CASZ1: variants seen among roughly 807,000 people sequenced by gnomAD.
CASZ1 encodes the protein zinc finger protein castor homolog 1.
Under a neutral mutation model 135.2 loss-of-function variants are expected in CASZ1, and 28 were observed. The ratio of observed to expected loss-of-function variants is 0.21; its 90% CI spans 0.15 to 0.28. The LOEUF (loss-of-function observed/expected upper bound fraction) is 0.28, where lower values mean the gene tolerates loss of function less well. Ranked by LOEUF, CASZ1 falls within the 10% of genes least tolerant of loss-of-function variation. CASZ1 has a pLI of 1.00. For missense variants in CASZ1, 2,161 were observed against 2,453.3 expected, an observed-to-expected ratio of 0.88 and a Z score of 2.52; for synonymous variants, 1,068 against 1,073.4, an observed-to-expected ratio of 0.99 and a Z score of 0.10.
intron 7 of CASZ1, 49 bp from the exon 8 acceptor site, chr1:10,656,785 C>G: frequency 9.7e-7 from 1 of 1,031,198 alleles, no homozygotes; most frequent in Non-Finnish European, 1.5e-6. Context: ...GTGACAGTCC[C>G]AGCCCCAGCC....
At chr1:10,782,799 A>T (rs1403182792) in intron 1 of CASZ1, among the ~76,000 whole-genome samples, 1 of 152,274 alleles carries the variant, frequency 6.6e-6, no homozygotes, top group East Asian at 1.9e-4. Context: ...GGAGGGGGGA[A>T]GGCTGGGGCA....
intron 2 of CASZ1, among the ~76,000 whole-genome samples, chr1:10,713,908 C>T (rs1639331038): frequency 6.6e-6 from 1 of 152,250 alleles, no homozygotes; most frequent in Non-Finnish European, 1.5e-5. Context: ...TCTGACCCAT[C>T]CCTCTTGGCT....
rs753212200 is a variant in CASZ1, at chr1:10,639,815, G to A, written c.4407C>T (p.Cys1469=). 30 of 1,609,394 alleles carry A rather than the reference G, an allele frequency of 1.9e-5. 1 individual carries two copies. In the Middle Eastern group the frequency reaches 4.9e-4, roughly 27 times the overall value. Residue 1469 remains cysteine, a synonymous_variant, in exon 21 of 21, where the codon TGC becomes TGT. Coordinates refer to ENST00000377022, the MANE Select transcript of CASZ1 (RefSeq NM_001079843.3). This position sits in a 1 kb window ranked among gnomAD's most constrained non-coding sequence, Gnocchi z 4.0. ...CGTGCTTGTACATGTGCGTGCGCCC[G>A]CAGAACTTGTAGCCGCAGTTCTCGC... ...CTRENCGYKF[C]GRTHMYKHAQ...
chr1:10,670,884 C>A (rs1643377266), intron 4 of CASZ1, among the ~76,000 whole-genome samples: 1 of 152,128 alleles, frequency 6.6e-6, no homozygotes, highest in South Asian at 2.1e-4. Flanking sequence ...AGAAGGGAGT[C>A]CTTCCCTCTT....
Position 10,639,137 on chromosome 1 carries a change from C to G in CASZ1, c.5085G>C (p.Glu1695Asp), listed in dbSNP as rs763724701. 1.8e-6 allele frequency: 2 copies of G among 1,123,158 alleles called. No homozygotes were observed. The highest frequency in any genetic ancestry group is 2.4e-5 in the South Asian group (1 of 41,626). 69.6% of individuals were successfully genotyped at this position (1,123,158 alleles called of 1,614,324 possible). A position where few individuals can be genotyped will look rare whatever the true frequency, so the allele number is the denominator to read the frequency against. The change falls in exon 21 of 21, where the codon GAG becomes GAC. Residue 1695 changes from glutamate (E) to aspartate (D), a missense_variant. Glu to Asp is a conservative substitution (Grantham distance 45, BLOSUM62 2). Transcript: ENST00000377022. The surrounding 1 kb of genome is among the most constrained non-coding windows in gnomAD (Gnocchi z 4.0). ...PEEEAEDDED[E>D]DDDEDDDDED... ...CGTCGTCGTCGTCCTCGTCGTCGTC[C>G]TCGTCCTCGTCGTCTTCGGCCTCCT...
At chr1:10,685,659 T>C (rs1017418596) in intron 4 of CASZ1, among the ~76,000 whole-genome samples, 3 of 152,128 alleles carry the variant, frequency 2.0e-5, no homozygotes, top group African/African-American at 7.2e-5. Context: ...GAGCCACTGA[T>C]CCTCAGCCCC....
rs995621976 is a variant in CASZ1, at chr1:10,747,979, G to A, written c.-77+12722C>T. 6.6e-6 allele frequency among the ~76,000 whole-genome samples: 1 copy of A among 152,126 alleles called. No individual in the cohort carries two copies. Among genetic ancestry groups the A allele is most frequent in the Admixed American group, 6.5e-5 (1 of 15,272 alleles). ...CTAGAGGCACCCGCCACCACGCCCG[G>A]CTAAGTTTTTTGTATTTTTTAGTGG... On this transcript the variant is annotated intron_variant, in intron 2 of 20. Coordinates refer to ENST00000377022, the MANE Select transcript of CASZ1 (RefSeq NM_001079843.3). The surrounding 1 kb of genome is among the most constrained non-coding windows in gnomAD (Gnocchi z 4.3).
At chr1:10,728,611 T>A (rs1030638011) in intron 2 of CASZ1, among the ~76,000 whole-genome samples, 3 of 152,092 alleles carry the variant, frequency 2.0e-5, no homozygotes, top group Non-Finnish European at 4.4e-5. Flanking sequence ...ATTATTTTAT[T>A]TTTTATTTCC....
At position 10,730,426 on chromosome 1, in the gene CASZ1, G is replaced by A. The variant is rs184487091; in HGVS notation, c.-76-24882C>T. Among the ~76,000 whole-genome samples the A allele has an allele frequency of 2.0e-4, 30 of 152,292 alleles. No individual in the cohort carries two copies. The South Asian group carries it at 6.0e-3, about 30-fold the overall frequency. ...TCGAGTATGCATCCTTTGAATATTC[G>A]GGGAGGATGAAAGGGAAGCATGCCT... On this transcript the variant is annotated intron_variant, in intron 2 of 20. Transcript: ENST00000377022.
At position 10,659,823 on chromosome 1, in the gene CASZ1, G is replaced by T. The variant is rs1165477022; in HGVS notation, c.1219C>A (p.Pro407Thr). 1 of 1,613,106 alleles carries T rather than the reference G, an allele frequency of 6.2e-7. No homozygotes were observed. The highest frequency in any genetic ancestry group is 1.3e-5 in the African/African-American group (1 of 74,888). Residue 407 changes from proline (P) to threonine (T), a missense_variant, in exon 6 of 21, where the codon CCC (proline) becomes ACC (threonine). Physicochemically the swap from Pro to Thr is conservative, Grantham distance 38. Around this residue, in one of 7 missense-constraint regions of CASZ1, gnomAD observed 590 missense variants for 609.8 expected, o/e 0.97. Transcript: ENST00000377022. ...TCTGGCCCTGGCCCGGGGGCGCTGGGGGCACTGGGCACGCTGGCGAGGGGT... is the reference window on the plus strand; with the variant it reads ...TCTGGCCCTGGCCCGGGGGCGCTGGTGGCACTGGGCACGCTGGCGAGGGGT... ...PAPLASVPSAPSAPGPGPEPP... is the reference protein window; with the variant it reads ...PAPLASVPSATSAPGPGPEPP...
intron 5 of CASZ1, among the ~76,000 whole-genome samples, chr1:10,662,062 A>AACACAC (rs142574459): frequency 6.6e-6 from 1 of 150,780 alleles, no homozygotes; most frequent in Admixed American, 6.6e-5. Context: ...AATCACCTAT[A>AACACAC]ACACACACGC....
intron 1 of CASZ1, among the ~76,000 whole-genome samples, chr1:10,786,867 A>G (rs1179348663): frequency 6.6e-6 from 1 of 151,958 alleles, no homozygotes; most frequent in Non-Finnish European, 1.5e-5. Context: ...GTTCCCAATG[A>G]TAACAGAACC....
Position 10,695,208 on chromosome 1 carries a change from C to T in CASZ1, c.-23-1296G>A, listed in dbSNP as rs377448404. 8.2e-4 allele frequency among the ~76,000 whole-genome samples: 125 copies of T among 151,800 alleles called. 1 individual carries two copies. In the East Asian group the frequency reaches 0.021, roughly 26 times the overall value. ...GGGGCAGGGCGCAGTCAGGCCCGCG[C>T]GCCCCCGCACCCCGCGCGTCCCCGG... On this transcript the variant is annotated intron_variant, in intron 3 of 20. Transcript: ENST00000377022.
chr1:10,654,847 C>T (rs1470960916), intron 9 of CASZ1, among the ~76,000 whole-genome samples: 2 of 152,228 alleles, frequency 1.3e-5, no homozygotes, highest in African/African-American at 2.4e-5. Flanking sequence ...AGGGCATCTC[C>T]GGAGACTCAG....
Position 10,788,471 on chromosome 1 carries a change from G to A in CASZ1, c.-234+8093C>T, listed in dbSNP as rs1211373550. ...CTTAGACTGCATTTATAAGATCTGC[G>A]AAACCCCTCAAAGTATAAGCAACAT... On this transcript the variant is annotated intron_variant, in intron 1 of 20. Transcript: ENST00000377022. This position sits in a 1 kb window ranked among gnomAD's most constrained non-coding sequence, Gnocchi z 4.1. Among the ~76,000 whole-genome samples, 2 of 152,152 alleles carry A rather than the reference G, an allele frequency of 1.3e-5. No individual in the cohort carries two copies. The highest frequency in any genetic ancestry group is 2.1e-4 in the South Asian group (1 of 4,828).
chr1:10,686,464 A>G (rs1638594867), intron 4 of CASZ1, among the ~76,000 whole-genome samples: 1 of 152,166 alleles, frequency 6.6e-6, no homozygotes, highest in Admixed American at 6.5e-5. Context: ...TACCTGGGAC[A>G]GCCTGTTGCC....
rs1182664479 is a variant in CASZ1, at chr1:10,726,232, C to T, written c.-76-20688G>A. ...CGGTTTTATAAACCACCTCATTAAA[C>T]AGCAACAGAAACCCTGTAGGAGACA... On this transcript the variant is annotated intron_variant, in intron 2 of 20. Coordinates refer to ENST00000377022, the MANE Select transcript of CASZ1 (RefSeq NM_001079843.3). This position sits in a 1 kb window ranked among gnomAD's most constrained non-coding sequence, Gnocchi z 5.7. Among the ~76,000 whole-genome samples, 1 of 152,184 alleles carries T rather than the reference C, an allele frequency of 6.6e-6. No individual in the cohort carries two copies. Among genetic ancestry groups the T allele is most frequent in the Non-Finnish European group, 1.5e-5 (1 of 68,032 alleles).
Position 10,735,594 on chromosome 1 carries a change from G to C in CASZ1, c.-77+25107C>G, listed in dbSNP as rs968973588. On this transcript the variant is annotated intron_variant, in intron 2 of 20. Transcript: ENST00000377022. This position sits in a 1 kb window ranked among gnomAD's most constrained non-coding sequence, Gnocchi z 5.1. ...CTGGTGCCTCTTAGCCAAGTGCCAC[G>C]GACAGAAGTTTTGCCTTTACCCATC... 6.6e-6 allele frequency among the ~76,000 whole-genome samples: 1 copy of C among 152,188 alleles called. No homozygotes were observed. The highest frequency in any genetic ancestry group is 1.5e-5 in the Non-Finnish European group (1 of 68,038).
intron 2 of CASZ1, among the ~76,000 whole-genome samples, chr1:10,716,502 G>A (rs960443450): frequency 1.1e-4 from 16 of 152,240 alleles, no homozygotes; most frequent in African/African-American, 3.9e-4. Context: ...TGGACCATCT[G>A]GGGGGATACT....
Sources: gnomAD v4.1 joint callset for allele counts (sites outside exome capture counted in the v4.1 genomes callset) on GRCh38, gnomAD v4.1.1 for gene constraint, gnomAD v4.1.1 regional missense constraint, Gnocchi (gnomAD v3.1) non-coding constraint, MANE v1.5 for transcripts, NCBI Gene and HGNC (gene_info 2026-07-23, HGNC 2026-07-21) for gene names.